ZFYVE28: variants seen among roughly 807,000 people sequenced by gnomAD.
The protein encoded by ZFYVE28 is zinc finger FYVE-type containing 28.
Under a neutral mutation model 82.1 loss-of-function variants are expected in ZFYVE28, and 40 were observed. That is an observed-to-expected ratio of 0.49 (90% CI 0.38 to 0.63). The LOEUF is 0.63. ZFYVE28 is among the 30% of genes least tolerant of loss of function. ZFYVE28 has a pLI of 0.00. For synonymous variants in ZFYVE28, 612 were observed against 546.1 expected (o/e 1.12, Z -1.68); for missense variants, 1,321 against 1,242.1 (o/e 1.06, Z -0.96).
At chr4:2,340,915 C>T (rs1171378527) in intron 3 of ZFYVE28, among the ~76,000 whole-genome samples, 2 of 151,692 alleles carry the variant, frequency 1.3e-5, no homozygotes, top group African/African-American at 2.4e-5. Context: ...GTGGCGGTGT[C>T]GGGGCTGAGG....
chr4:2,346,871 G>A (rs955105801), intron 2 of ZFYVE28, among the ~76,000 whole-genome samples: 1 of 151,850 alleles, frequency 6.6e-6, no homozygotes, highest in Non-Finnish European at 1.5e-5. Flanking sequence ...AGAGGAATGG[G>A]AATAAAGAAA....
intron 1 of ZFYVE28, among the ~76,000 whole-genome samples, chr4:2,358,431 C>A (rs572039591): frequency 2.0e-5 from 3 of 152,270 alleles, no homozygotes; most frequent in Non-Finnish European, 2.9e-5. Context: ...GGTAGGGAAC[C>A]CTTCAGGGAC....
At position 2,270,724 on chromosome 4, in the gene ZFYVE28, G is replaced by A. The variant is rs754076383; in HGVS notation, c.*1C>T. The stretch of plus-strand genomic sequence containing the variant: ...GGGTTGGGGCTGCCCCTGGCACCAC[G>A]TCACAGGCCGGCCTTGTCGCTGTAG... On this transcript the variant is annotated 3_prime_UTR_variant, in exon 13 of 13. Coordinates refer to ENST00000290974, the MANE Select transcript of ZFYVE28 (RefSeq NM_020972.3). 3.1e-6 allele frequency: 5 copies of A among 1,613,076 alleles called. No homozygotes were observed. Among genetic ancestry groups the A allele is most frequent in the Non-Finnish European group, 4.2e-6 (5 of 1,179,886 alleles).
intron 9 of ZFYVE28, 71 bp downstream of exon 9, chr4:2,273,991 G>T: frequency 1.3e-6 from 2 of 1,558,790 alleles, no homozygotes; most frequent in Non-Finnish European, 1.7e-6. Context: ...TACACGCCCC[G>T]CCTGACCTCC....
chr4:2,271,802 G>C (rs202111047), intron 10 of ZFYVE28, 23 bp from the exon 11 acceptor site: 3 of 1,608,230 alleles, frequency 1.9e-6, no homozygotes, highest in Non-Finnish European at 2.6e-6. Flanking sequence ...GGGGGCCGTC[G>C]GGGTATGGTG....
At position 2,418,419 on chromosome 4, in the gene ZFYVE28, G is replaced by T. The variant is rs1733368888; in HGVS notation, c.-96C>A. On this transcript the variant is annotated 5_prime_UTR_variant, in exon 1 of 13. Transcript: ENST00000290974. The surrounding 1 kb of genome is among the most constrained non-coding windows in gnomAD (Gnocchi z 4.6). The stretch of plus-strand genomic sequence containing the variant: ...GGCGCGGGGCGGACGCGGAGGCACG[G>T]CCGGAGCCCCCGCGCTGTCGCAGGG... 2.0e-6 allele frequency: 2 copies of T among 1,004,338 alleles called. No homozygotes were observed. Among genetic ancestry groups the T allele is most frequent in the African/African-American group, 1.7e-5 (1 of 57,736 alleles). The allele number at this position is 1,004,338 out of a possible 1,614,324, so 62.2% of individuals were successfully genotyped here.
At chr4:2,334,259 T>C (rs1347991695) in intron 6 of ZFYVE28, among the ~76,000 whole-genome samples, 1 of 152,082 alleles carries the variant, frequency 6.6e-6, no homozygotes, top group African/African-American at 2.4e-5. Context: ...GAGACCACGC[T>C]GGAGCCCTCC....
intron 1 of ZFYVE28, among the ~76,000 whole-genome samples, chr4:2,368,016 G>T (rs545684670): frequency 1.3e-5 from 2 of 152,204 alleles, no homozygotes; most frequent in South Asian, 4.2e-4. Flanking sequence ...AGGCTCTGCT[G>T]CCCAAAAGAG....
intron 1 of ZFYVE28, among the ~76,000 whole-genome samples, chr4:2,415,566 T>C (rs1309163320): frequency 6.6e-6 from 1 of 152,118 alleles, no homozygotes. Flanking sequence ...TGTACATCTA[T>C]CTAAATACAA....
chr4:2,296,578 G>A (rs1714602791), intron 8 of ZFYVE28, among the ~76,000 whole-genome samples: 2 of 150,922 alleles, frequency 1.3e-5, no homozygotes, highest in South Asian at 4.2e-4. Flanking sequence ...TGGGTGGAAG[G>A]TCTCGGTGTT....
At chr4:2,323,748 G>A (rs1719450744) in intron 6 of ZFYVE28, among the ~76,000 whole-genome samples, 1 of 130,978 alleles carries the variant, frequency 7.6e-6, no homozygotes, top group African/African-American at 3.0e-5. Flanking sequence ...CTGTGTCCAT[G>A]TGATCTCATT....
chr4:2,319,845 C>CGGTGGGGAT (rs1229018389), intron 7 of ZFYVE28, among the ~76,000 whole-genome samples: 3 of 91,372 alleles, frequency 3.3e-5, no homozygotes, highest in African/African-American at 4.4e-5. Context: ...ACGGTGGGGA[C>CGGTGGGGAT]GGTGGGGATG....
rs187170043 is a variant in ZFYVE28 at position 2,313,601 on chromosome 4, C to T, written c.803+6569G>A. Among the ~76,000 whole-genome samples, 13 of 152,170 alleles carry T rather than the reference C, an allele frequency of 8.5e-5. No individual in the cohort carries two copies. The East Asian group carries it at 2.3e-3, about 27-fold the overall frequency. On this transcript the variant is annotated intron_variant, in intron 7 of 12. Transcript: ENST00000290974. ...GAACATAAGGGTGGGCCCGGTGGCT[C>T]ATGTGTGTAATCCCAGCACTTCGGG...
At position 2,354,078 on chromosome 4, in the gene ZFYVE28, A is replaced by G; in HGVS notation, c.40-5T>C. On this transcript the variant is annotated splice_polypyrimidine_tract_variant and splice_region_variant and intron_variant, in intron 1 of 12. Coordinates refer to ENST00000290974, the MANE Select transcript of ZFYVE28 (RefSeq NM_020972.3). Reference sequence around the variant, plus strand: ...AAGCAGCTGCGGATCCGACCTCTGCAGGAGAGAGGGGCCAGGGCCATGAGT... The same window carrying G: ...AAGCAGCTGCGGATCCGACCTCTGCGGGAGAGAGGGGCCAGGGCCATGAGT... The G allele has an allele frequency of 6.5e-7, 1 of 1,539,550 alleles. No homozygotes were observed. The highest frequency in any genetic ancestry group is 1.3e-5 in the South Asian group (1 of 79,632).
Position 2,332,701 on chromosome 4 carries a change from G to A in ZFYVE28, c.701+3004C>T, listed in dbSNP as rs1042179789. ...GCTCAAAGCGGTCGCTGTGGATGAC[G>A]AGGAACAAGACGGGATCCGCTGGTG... On this transcript the variant is annotated intron_variant, in intron 6 of 12. Transcript: ENST00000290974. The surrounding 1 kb of genome is among the most constrained non-coding windows in gnomAD (Gnocchi z 4.7). 4.6e-5 allele frequency among the ~76,000 whole-genome samples: 7 copies of A among 152,296 alleles called. No individual in the cohort carries two copies. The highest frequency in any genetic ancestry group is 6.5e-5 in the Admixed American group (1 of 15,306).
At chr4:2,309,770 G>A (rs1056438210) in intron 7 of ZFYVE28, among the ~76,000 whole-genome samples, 2 of 152,168 alleles carry the variant, frequency 1.3e-5, no homozygotes, top group African/African-American at 2.4e-5. Context: ...ACAGAGATAC[G>A]CACGGACGAA....
chr4:2,315,123 G>C (rs1222889970), intron 7 of ZFYVE28, among the ~76,000 whole-genome samples: 1 of 151,862 alleles, frequency 6.6e-6, no homozygotes, highest in Admixed American at 6.6e-5. Context: ...TTTTTCTGAA[G>C]AACTCCAATT....
rs1716250219 is a variant in ZFYVE28, at chr4:2,304,700, C to T, written c.1640G>A (p.Gly547Asp). Residue 547 changes from glycine (G) to aspartate (D), a missense_variant, in exon 8 of 13, where the codon GGC (glycine) becomes GAC (aspartate). Gly to Asp is a moderately conservative substitution (Grantham distance 94). Transcript: ENST00000290974. ...CCCAGTGCTAAGCTTGTGGGGGCCG[C>T]CATCCATCCCCTCGGCCACGGGCTC... is the stretch of plus-strand genomic sequence containing the variant. ...ASEPVAEGMD[G>D]GPHKLSTGAT... 3 of 1,612,662 alleles carry T rather than the reference C, an allele frequency of 1.9e-6. No homozygotes were observed. Among genetic ancestry groups the T allele is most frequent in the East Asian group, 2.2e-5 (1 of 44,884 alleles).
chr4:2,304,518 C>T lies in ZFYVE28; in HGVS notation c.1822G>A (p.Glu608Lys). The change falls in exon 8 of 13, where the codon GAG (glutamate) becomes AAG (lysine). Residue 608 changes from glutamate (E) to lysine (K), a missense_variant. By Grantham distance (56) the Glu-to-Lys change is moderately conservative. Around this residue, in one of 2 missense-constraint regions of ZFYVE28, gnomAD observed 978 missense variants for 833.7 expected, o/e 1.17. Transcript: ENST00000290974. ...GLAKASDRAPERQEEAPPPSE... is the reference protein window; with the variant it reads ...GLAKASDRAPKRQEEAPPPSE... ...GGTGGGGGCGCCTCCTCCTGTCTCTCAGGGGCCCTGTCGCTGGCCTTGGCT... is the reference window on the plus strand; with the variant it reads ...GGTGGGGGCGCCTCCTCCTGTCTCTTAGGGGCCCTGTCGCTGGCCTTGGCT... The T allele has an allele frequency of 6.2e-7, 1 of 1,612,632 alleles. No individual in the cohort carries two copies. The highest frequency in any genetic ancestry group is 8.5e-7 in the Non-Finnish European group (1 of 1,179,692).
Sources: gnomAD v4.1 joint callset for allele counts (sites outside exome capture counted in the v4.1 genomes callset) on GRCh38, gnomAD v4.1.1 for gene constraint, gnomAD v4.1.1 regional missense constraint, Gnocchi (gnomAD v3.1) non-coding constraint, MANE v1.5 for transcripts, NCBI Gene and HGNC (gene_info 2026-07-23, HGNC 2026-07-21) for gene names.